Variants in CCDC30 observed in about 807,000 individuals in gnomAD.
CCDC30 encodes coiled-coil domain containing 30, also known as coiled-coil domain-containing protein 30.
A neutral mutation model predicts 100.2 loss-of-function variants in CCDC30; 70 were observed. The observed-to-expected ratio is 0.70, with a 90% confidence interval of 0.58 to 0.85. The LOEUF is 0.85. Among genes scored for constraint, CCDC30 ranks in the 40% least tolerant of loss-of-function variants. The pLI, the probability that CCDC30 is intolerant of heterozygous loss-of-function variation, is 0.00. For synonymous variants in CCDC30, 233 were observed against 269.5 expected (o/e 0.86, Z 1.33); for missense variants, 652 against 771.2 (o/e 0.85, Z 1.83).
chr1:42,550,869 G>T (rs1645237513), intron 6 of CCDC30, among the ~76,000 whole-genome samples: 1 of 152,140 alleles, frequency 6.6e-6, no homozygotes, highest in Admixed American at 6.6e-5. Flanking sequence ...ACAAATAAAT[G>T]ACTGAATCTT....
At chr1:42,647,957 T>G (rs1180290965) in intron 15 of CCDC30, among the ~76,000 whole-genome samples, 1 of 152,186 alleles carries the variant, frequency 6.6e-6, no homozygotes, top group Non-Finnish European at 1.5e-5. Flanking sequence ...TTGTTTGTTT[T>G]TAGATGGAAT....
chr1:42,579,730 C>T (rs1369841512), intron 8 of CCDC30, among the ~76,000 whole-genome samples: 3 of 151,844 alleles, frequency 2.0e-5, no homozygotes, highest in African/African-American at 7.3e-5. Flanking sequence ...AGCATGGTGG[C>T]TCATACCTGT....
intron 10 of CCDC30, among the ~76,000 whole-genome samples, chr1:42,598,296 C>G (rs1429779658): frequency 1.3e-5 from 2 of 151,948 alleles, no homozygotes; most frequent in African/African-American, 2.4e-5. Context: ...GCAGGAGGAT[C>G]TCTTGAGCGA....
intron 3 of CCDC30, 157 bp from the exon 4 acceptor site, chr1:42,490,001 A>G: frequency 3.0e-6 from 1 of 331,180 alleles, no homozygotes; most frequent in Non-Finnish European, 5.5e-6. Context: ...CTAAGAGAGA[A>G]GTCTGGGAAA....
At chr1:42,468,231 C>G (rs1416366998) in intron 1 of CCDC30, among the ~76,000 whole-genome samples, 1 of 152,142 alleles carries the variant, frequency 6.6e-6, no homozygotes, top group African/African-American at 2.4e-5. Context: ...AAAAATAAAA[C>G]AATCTATAAC....
chr1:42,602,093 G>A (rs947136510), intron 10 of CCDC30, among the ~76,000 whole-genome samples: 1 of 152,002 alleles, frequency 6.6e-6, no homozygotes, highest in Non-Finnish European at 1.5e-5. Flanking sequence ...AGAAGAATCA[G>A]TGAGCTCAAG....
At chr1:42,529,558 A>G (rs958096437) in intron 6 of CCDC30, 6 of 152,258 alleles carry the variant, frequency 3.9e-5, no homozygotes, top group African/African-American at 1.4e-4. Flanking sequence ...CATTTCCTAA[A>G]GAAAGATTTT....
intron 6 of CCDC30, among the ~76,000 whole-genome samples, chr1:42,532,651 A>AC (rs1455993848): frequency 2.0e-5 from 3 of 152,244 alleles, no homozygotes; most frequent in Non-Finnish European, 4.4e-5. Context: ...GAAAATGAGC[A>AC]CTTAGATAAA....
chr1:42,576,974 C>A, intron 7 of CCDC30, 46 bp from the exon 12 acceptor site: 1 of 1,406,908 alleles, frequency 7.1e-7, no homozygotes, highest in Non-Finnish European at 1.0e-6. Flanking sequence ...AGTTCACATT[C>A]ATTCCACACT....
chr1:42,470,749 TAGGC>T (rs1643744295), intron 1 of CCDC30, among the ~76,000 whole-genome samples: 1 of 152,134 alleles, frequency 6.6e-6, no homozygotes, highest in Non-Finnish European at 1.5e-5. Flanking sequence ...TTGTATAAAA[TAGGC>T]AGGTTTATAG....
At position 42,477,323 on chromosome 1, in the gene CCDC30, G is replaced by A. The variant is rs557096207; in HGVS notation, c.-91-3138G>A. Among the ~76,000 whole-genome samples the A allele has an allele frequency of 1.0e-3, 155 of 151,544 alleles. 1 individual carries two copies. The highest frequency in any genetic ancestry group is 1.5e-3 in the Non-Finnish European group (101 of 67,886). On this transcript the variant is annotated intron_variant, in intron 1 of 16. Transcript: ENST00000668663. ...CGGCTCACTGCAACCTCTGCCTCCC[G>A]GCTTCAAGGGATTCTCCTGCCTCAG...
Position 42,596,758 on chromosome 1 carries a change from C to A in CCDC30, c.1164+7275C>A, listed in dbSNP as rs12124887. ...GCAAAAAAACAAACAAACAAACAAA[C>A]AAAAACAGTTTGAACAGACAGAGCA... On this transcript the variant is annotated intron_variant, in intron 10 of 16. Coordinates refer to ENST00000668663, the Ensembl canonical transcript of CCDC30. The surrounding 1 kb of genome is among the most constrained non-coding windows in gnomAD (Gnocchi z 4.3). Among the ~76,000 whole-genome samples, 2,104 of 24,612 alleles carry A rather than the reference C, an allele frequency of 0.085. 21 individuals carry two copies. The highest frequency in any genetic ancestry group is 0.15 in the Admixed American group (526 of 3,620). 16.1% of individuals were successfully genotyped at this position (24,612 alleles called of 152,430 possible).
At chr1:42,642,000 C>A (rs113284076) in intron 12 of CCDC30, among the ~76,000 whole-genome samples, 19 of 152,120 alleles carry the variant, frequency 1.2e-4, no homozygotes, top group Admixed American at 3.3e-4. Context: ...CCAAGGTGGG[C>A]GGATCACAAG....
intron 6 of CCDC30, among the ~76,000 whole-genome samples, chr1:42,505,649 T>G (rs1297770423): frequency 2.0e-5 from 3 of 152,224 alleles, no homozygotes; most frequent in African/African-American, 7.2e-5. Context: ...GAAACTCTGT[T>G]CCAGGAGGAA....
chr1:42,620,106 A>C (rs1014329282), intron 11 of CCDC30, among the ~76,000 whole-genome samples: 4 of 152,206 alleles, frequency 2.6e-5, no homozygotes, highest in African/African-American at 9.7e-5. Flanking sequence ...GCAGTGGGGT[A>C]TGATGGGAAG....
chr1:42,499,289 A>G (rs1175410576), intron 6 of CCDC30, among the ~76,000 whole-genome samples: 1 of 152,180 alleles, frequency 6.6e-6, no homozygotes. Context: ...ATCAAACCCA[A>G]GACAGACTGA....
the CCDC30 span, chr1:42,456,923 G>A: frequency 1.2e-6 from 2 of 1,609,686 alleles, no homozygotes; most frequent in Admixed American, 3.3e-5. Flanking sequence ...GAGCCTGGAG[G>A]CCGAGGAGAA....
intron 11 of CCDC30, among the ~76,000 whole-genome samples, chr1:42,613,734 G>A (rs879474990): frequency 1.3e-5 from 2 of 152,138 alleles, no homozygotes. Context: ...GGGGAGTGAG[G>A]ACGACCAGAG....
chr1:42,551,384 A>G (rs563386888), intron 6 of CCDC30, among the ~76,000 whole-genome samples: 1 of 152,310 alleles, frequency 6.6e-6, no homozygotes, highest in Non-Finnish European at 1.5e-5. Flanking sequence ...GCATGATGTA[A>G]AAAAGCAGAA....
Sources: gnomAD v4.1 joint callset for allele counts (sites outside exome capture counted in the v4.1 genomes callset) on GRCh38, gnomAD v4.1.1 for gene constraint, Gnocchi (gnomAD v3.1) non-coding constraint, MANE v1.5 for transcripts, NCBI Gene and HGNC (gene_info 2026-07-23, HGNC 2026-07-21) for gene names.